VWA2: variants seen among roughly 807,000 people sequenced by gnomAD.
VWA2 encodes the protein von Willebrand factor A domain containing 2, also known as von Willebrand factor A domain-containing protein 2.
Under a neutral mutation model 70.4 loss-of-function variants are expected in VWA2, and 73 were observed. That is an observed-to-expected ratio of 1.04 (90% CI 0.86 to 1.26). The LOEUF is 1.26. VWA2 is among the 50% of genes most tolerant of loss of function. The pLI, the probability that VWA2 is intolerant of heterozygous loss-of-function variation, is 0.00. For synonymous variants in VWA2, 407 were observed against 423.3 expected (o/e 0.96, Z 0.47); for missense variants, 1,011 against 998.5 (o/e 1.01, Z -0.17).
At chr10:114,280,484 G>T (rs1274399176) in intron 8 of VWA2, among the ~76,000 whole-genome samples, 1 of 152,162 alleles carries the variant, frequency 6.6e-6, no homozygotes, top group African/African-American at 2.4e-5. Flanking sequence ...AGTGGCCAGG[G>T]AGGGCCTTGC....
chr10:114,240,526 A>C (rs2036957261), intron 1 of VWA2, among the ~76,000 whole-genome samples: 1 of 152,240 alleles, frequency 6.6e-6, no homozygotes, highest in Admixed American at 6.5e-5. Flanking sequence ...TACATTTTTC[A>C]AATTACAAGC....
chr10:114,276,056 A>G (rs556759480), intron 6 of VWA2, among the ~76,000 whole-genome samples: 1 of 152,236 alleles, frequency 6.6e-6, no homozygotes, highest in Non-Finnish European at 1.5e-5. Flanking sequence ...TCAGTGTTTC[A>G]GTGTCTGCGC....
At chr10:114,253,614 G>T in intron 2 of VWA2, 37 bp from the exon 3 acceptor site, 3 of 1,593,488 alleles carry the variant, frequency 1.9e-6, no homozygotes, top group Non-Finnish European at 2.6e-6. Context: ...TCCCCTCTCA[G>T]CATTTTAATG....
chr10:114,286,310 T>C lies in VWA2; in HGVS notation c.1369T>C (p.Ser457Pro). 6.2e-7 allele frequency: 1 copy of C among 1,611,910 alleles called. No individual in the cohort carries two copies. The highest frequency in any genetic ancestry group is 8.5e-7 in the Non-Finnish European group (1 of 1,178,710). The change falls in exon 11 of 14, where the codon TCC becomes CCC. Residue 457 changes from serine (S) to proline (P), a missense_variant. Coordinates refer to ENST00000392982, the MANE Select transcript of VWA2 (RefSeq NM_001272046.2). Reference protein sequence around the residue: ...RVVVLLTESHSEDEVAGPARH... With the variant: ...RVVVLLTESHPEDEVAGPARH... Reference sequence around the variant, plus strand: ...GGTGGTTTTGCTCACTGAGTCACACTCCGAGGATGAGGTTGCGGGCCCAGC... The same window carrying C: ...GGTGGTTTTGCTCACTGAGTCACACCCCGAGGATGAGGTTGCGGGCCCAGC...
intron 5 of VWA2, among the ~76,000 whole-genome samples, chr10:114,270,548 G>GGT (rs951751535): frequency 6.6e-5 from 10 of 152,212 alleles, no homozygotes; most frequent in Middle Eastern, 3.4e-3. Flanking sequence ...TTCAGTAACA[G>GGT]GTGTGTGTGT....
At position 114,286,530 on chromosome 10, in the gene VWA2, A is replaced by G; in HGVS notation, c.1570+19A>G. On this transcript the variant is annotated intron_variant, in intron 11 of 13. Transcript: ENST00000392982. ...CGGCCAGGTAAGGTCCCAGTGCCTG[A>G]CCCAGGACCGCTGGTCAGTGGGCGG... The G allele has an allele frequency of 6.6e-7, 1 of 1,526,136 alleles. No individual in the cohort carries two copies. The highest frequency in any genetic ancestry group is 8.8e-7 in the Non-Finnish European group (1 of 1,138,266). 94.5% of individuals were successfully genotyped at this position (1,526,136 alleles called of 1,614,324 possible). A position where few individuals can be genotyped will look rare whatever the true frequency, so the allele number is the denominator to read the frequency against.
chr10:114,282,161 G>A (rs576467293), intron 8 of VWA2, among the ~76,000 whole-genome samples: 140 of 151,992 alleles, frequency 9.2e-4, no homozygotes, highest in African/African-American at 3.2e-3. Context: ...ATGCCACCAC[G>A]CCCAGCTAAT....
chr10:114,275,352 T>G (rs546261004), intron 6 of VWA2, among the ~76,000 whole-genome samples: 61 of 152,280 alleles, frequency 4.0e-4, no homozygotes, highest in African/African-American at 1.4e-3. Flanking sequence ...TTCTCAAATA[T>G]AGGCAATACA....
chr10:114,291,080 C>T (rs1157283616), intron 13 of VWA2, 138 bp from the exon 14 acceptor site: 5 of 1,003,848 alleles, frequency 5.0e-6, no homozygotes, highest in South Asian at 1.4e-5. Context: ...CACATGGGGT[C>T]TCTAATCTGG....
At chr10:114,265,994 T>C (rs1699449469) in intron 5 of VWA2, among the ~76,000 whole-genome samples, 1 of 152,110 alleles carries the variant, frequency 6.6e-6, no homozygotes, top group African/African-American at 2.4e-5. Flanking sequence ...AGTGAAGTTT[T>C]CTTTTTAAAT....
rs952852298 is a variant in VWA2, at chr10:114,292,973, C to T, written c.*1736C>T. On this transcript the variant is annotated 3_prime_UTR_variant, in exon 14 of 14. Transcript: ENST00000392982. ...CCCCCTGCCTTGGCCTCCCAAAGTT[C>T]TGGGATTACAGGGGTGAACCACTGT... Among the ~76,000 whole-genome samples the T allele has an allele frequency of 6.6e-6, 1 of 152,192 alleles. No homozygotes were observed. The highest frequency in any genetic ancestry group is 6.5e-5 in the Admixed American group (1 of 15,282).
At chr10:114,266,125 A>G (rs962035194) in intron 5 of VWA2, among the ~76,000 whole-genome samples, 5 of 151,966 alleles carry the variant, frequency 3.3e-5, no homozygotes, top group South Asian at 2.1e-4. Context: ...GTGAAACCCC[A>G]TCTCTACTAA....
chr10:114,284,523 G>A (rs963584469), intron 9 of VWA2, among the ~76,000 whole-genome samples: 2 of 152,008 alleles, frequency 1.3e-5, no homozygotes, highest in Admixed American at 6.6e-5. Context: ...TTAGAAGACA[G>A]GGCCCCATTG....
chr10:114,267,359 C>T (rs867387353), intron 5 of VWA2, among the ~76,000 whole-genome samples: 2 of 151,982 alleles, frequency 1.3e-5, no homozygotes, highest in Admixed American at 6.6e-5. Flanking sequence ...TCAGGTGATC[C>T]ACCCGCTTCG....
At position 114,272,837 on chromosome 10, in the gene VWA2, G is replaced by A. The variant is rs569122106; in HGVS notation, c.469G>A (p.Val157Ile). The A allele has an allele frequency of 4.9e-5, 79 of 1,613,890 alleles. No homozygotes were observed. The highest frequency in any genetic ancestry group is 1.1e-4 in the East Asian group (5 of 44,882). ...TTCTGTGCCCCAGATCCTCATCATC[G>A]TCACTGATGGGAAGTCCCAGGGGGA... Reference protein sequence around the residue: ...NASVPQILIIVTDGKSQGDVA... With the variant: ...NASVPQILIIITDGKSQGDVA... The change falls in exon 6 of 14, where the codon GTC becomes ATC. Residue 157 changes from valine to isoleucine, a missense_variant. By Grantham distance (29) the Val-to-Ile change is conservative. Transcript: ENST00000392982.
At chr10:114,290,486 G>A (rs1030615757) in intron 13 of VWA2, 121 bp downstream of exon 13, 4 of 1,389,336 alleles carry the variant, frequency 2.9e-6, no homozygotes, top group Non-Finnish European at 3.9e-6. Context: ...AAATTATTCA[G>A]TCGTTTACCC....
intron 5 of VWA2, among the ~76,000 whole-genome samples, chr10:114,261,648 A>G (rs377584484): frequency 1.3e-5 from 2 of 152,182 alleles, no homozygotes; most frequent in African/African-American, 2.4e-5. Flanking sequence ...TGACCACTGC[A>G]GCTTGGACAG....
intron 6 of VWA2, among the ~76,000 whole-genome samples, chr10:114,276,473 A>G (rs1400111924): frequency 6.6e-6 from 1 of 152,152 alleles, no homozygotes; most frequent in Non-Finnish European, 1.5e-5. Context: ...CAAGCAATAA[A>G]GCAAAAAAAC....
chr10:114,259,842 T>C (rs1261229504), intron 4 of VWA2, among the ~76,000 whole-genome samples: 1 of 152,162 alleles, frequency 6.6e-6, no homozygotes, highest in Admixed American at 6.5e-5. Flanking sequence ...CTCCCCAATG[T>C]GTCCACTGAA....
Sources: allele counts gnomAD v4.1 joint callset (sites outside exome capture counted in the v4.1 genomes callset), GRCh38; gene constraint gnomAD v4.1.1; transcripts MANE v1.5; gene names NCBI Gene and HGNC (gene_info 2026-07-23, HGNC 2026-07-21).